The following ELF2 variants were observed in gnomAD, a reference collection of about 807,000 sequenced individuals.
The protein encoded by ELF2 is ETS-related transcription factor Elf-2.
A neutral mutation model predicts 54.8 loss-of-function variants in ELF2; 11 were observed. The ratio of observed to expected loss-of-function variants is 0.20; its 90% CI spans 0.13 to 0.33. The LOEUF is 0.33. ELF2 is among the 10% of genes least tolerant of loss of function. The pLI is 1.00. For missense variants in ELF2, 513 were observed against 703.0 expected (o/e 0.73, Z 3.06); for synonymous variants, 203 against 245.1 (o/e 0.83, Z 1.61).
intron 7 of ELF2, among the ~76,000 whole-genome samples, chr4:139,063,441 A>G (rs1728186319): frequency 6.6e-6 from 1 of 152,234 alleles, no homozygotes; most frequent in Non-Finnish European, 1.5e-5. Flanking sequence ...CCTTAAAATT[A>G]GTCAAGTATT....
intron 1 of ELF2, among the ~76,000 whole-genome samples, chr4:139,162,681 C>T (rs568555523): frequency 3.3e-5 from 5 of 152,164 alleles, no homozygotes; most frequent in Non-Finnish European, 5.9e-5. Context: ...AGGAAAAATA[C>T]TGAAACACCA....
At chr4:139,063,188 G>A (rs1728143855) in intron 7 of ELF2, among the ~76,000 whole-genome samples, 3 of 152,172 alleles carry the variant, frequency 2.0e-5, no homozygotes, top group South Asian at 4.1e-4. Flanking sequence ...AACCCAGGAA[G>A]CAGAGGTTAC....
chr4:139,145,897 T>C (rs947276505), intron 1 of ELF2, among the ~76,000 whole-genome samples: 1 of 152,074 alleles, frequency 6.6e-6, no homozygotes, highest in African/African-American at 2.4e-5. Context: ...CTCAAAATAA[T>C]AAAAGTCATA....
At position 139,154,575 on chromosome 4, in the gene ELF2, T is replaced by TA. The variant is rs529132880; in HGVS notation, c.-251-15079dup. ...TCCCAAATAAGATAGCTACAACAATTAAAAAAAAAAAAAAGCTACATACTT... is the reference window on the plus strand; with the variant it reads ...TCCCAAATAAGATAGCTACAACAATTAAAAAAAAAAAAAAAGCTACATACTT... On this transcript the variant is annotated intron_variant, in intron 1 of 9. Coordinates refer to ENST00000686138, the MANE Select transcript of ELF2 (RefSeq NM_001331036.3). 5.5e-3 allele frequency among the ~76,000 whole-genome samples: 750 copies of TA among 136,726 alleles called. 3 individuals are homozygous for TA. Among genetic ancestry groups the TA allele is most frequent in the Middle Eastern group, 0.015 (4 of 268 alleles). The allele number at this position is 136,726 out of a possible 152,430, so 89.7% of individuals were successfully genotyped here. A position where few individuals can be genotyped will look rare whatever the true frequency, so the allele number is the denominator to read the frequency against.
intron 1 of ELF2, among the ~76,000 whole-genome samples, chr4:139,146,793 T>C (rs1739263692): frequency 6.6e-6 from 1 of 152,168 alleles, no homozygotes; most frequent in African/African-American, 2.4e-5. Flanking sequence ...ATTTATTTAA[T>C]AAATGGTGCT....
In ELF2 at chr4:139,057,852, AAACAG is replaced by A. The variant is rs1269777492; in HGVS notation, c.*1126_*1130del. On this transcript the variant is annotated 3_prime_UTR_variant, in exon 10 of 10. Transcript: ENST00000686138. ...TTGTTTAAAATATCACCAGAGACCAAAACAGAAGATAAATTTCATTTCTATATTTC... is the reference window on the plus strand; with the variant it reads ...TTGTTTAAAATATCACCAGAGACCAAAAGATAAATTTCATTTCTATATTTC... 6.6e-6 allele frequency: 1 copy of A among 152,648 alleles called. No individual in the cohort carries two copies. Among genetic ancestry groups the A allele is most frequent in the Non-Finnish European group, 1.5e-5 (1 of 68,040 alleles). The allele number at this position is 152,648 out of a possible 1,614,324, so 9.5% of individuals were successfully genotyped here. A position where few individuals can be genotyped will look rare whatever the true frequency, so the allele number is the denominator to read the frequency against.
chr4:139,117,201 A>G (rs907006174), intron 4 of ELF2, among the ~76,000 whole-genome samples: 4 of 152,232 alleles, frequency 2.6e-5, no homozygotes, highest in Non-Finnish European at 5.9e-5. Context: ...ACCACTTGAC[A>G]GCCAATGTTT....
chr4:139,073,320 G>T, intron 5 of ELF2, 134 bp downstream of exon 5: 1 of 462,972 alleles, frequency 2.2e-6, no homozygotes, highest in Non-Finnish European at 3.8e-6. Context: ...TTCAATTACT[G>T]CTGTCATGTA....
intron 4 of ELF2, among the ~76,000 whole-genome samples, chr4:139,087,003 T>C (rs1453864650): frequency 1.3e-5 from 2 of 152,228 alleles, no homozygotes; most frequent in Non-Finnish European, 2.9e-5. Flanking sequence ...TAAGTCCTTC[T>C]GTCATATGTA....
In ELF2 at chr4:139,084,311, A is replaced by C; in HGVS notation, c.239-10744T>G. ...CCGTGCGACCGACACACACTCACGC[A>C]CTCGCACACACTCCGACGCCCGGAT... On this transcript the variant is annotated intron_variant, in intron 4 of 9. Transcript: ENST00000686138. The C allele has an allele frequency of 2.5e-6, 4 of 1,580,804 alleles. No homozygotes were observed. In the South Asian group the frequency reaches 4.4e-5, roughly 18 times the overall value.
chr4:139,171,060 T>C (rs763168688), intron 1 of ELF2, among the ~76,000 whole-genome samples: 1 of 152,022 alleles, frequency 6.6e-6, no homozygotes, highest in South Asian at 2.1e-4. Context: ...CAACCCAATT[T>C]TAAAAGGAGC....
At chr4:139,119,841 C>G (rs1368445946) in intron 4 of ELF2, among the ~76,000 whole-genome samples, 1 of 151,982 alleles carries the variant, frequency 6.6e-6, no homozygotes, top group Non-Finnish European at 1.5e-5. Context: ...GTGGCATGAT[C>G]TCAGCTCACT....
At chr4:139,151,035 A>AAAAAGAAAGGAAAGAAAGGGAAGAAAG (rs201472609) in intron 1 of ELF2, among the ~76,000 whole-genome samples, 2 of 42,526 alleles carry the variant, frequency 4.7e-5, no homozygotes, top group Non-Finnish European at 1.1e-4. Flanking sequence ...AAAAAAAAAA[A>AAAAAGAAAGGAAAGAAAGGGAAGAAAG]GAAAGAAAGA....
chr4:139,147,028 G>C (rs1739287429), intron 1 of ELF2, among the ~76,000 whole-genome samples: 1 of 151,984 alleles, frequency 6.6e-6, no homozygotes, highest in African/African-American at 2.4e-5. Flanking sequence ...TAAATAAATG[G>C]GACCTAATTA....
chr4:139,113,612 G>A (rs1405836555), intron 4 of ELF2, among the ~76,000 whole-genome samples: 1 of 151,990 alleles, frequency 6.6e-6, no homozygotes, highest in East Asian at 1.9e-4. Flanking sequence ...TACCTTGGGA[G>A]ACCAAGGAGG....
At chr4:139,092,965 A>ATT (rs771791854) in intron 4 of ELF2, among the ~76,000 whole-genome samples, 83 of 136,630 alleles carry the variant, frequency 6.1e-4, no homozygotes, top group African/African-American at 1.8e-3. Context: ...ATAGTAAATA[A>ATT]TTTTTTTTTT....
chr4:139,175,771 T>C (rs946387476), intron 1 of ELF2, among the ~76,000 whole-genome samples: 2 of 152,234 alleles, frequency 1.3e-5, no homozygotes, highest in African/African-American at 2.4e-5. Context: ...TAAATGTTCA[T>C]GAACACAAGA....
intron 1 of ELF2, among the ~76,000 whole-genome samples, chr4:139,152,522 G>T (rs895847446): frequency 6.6e-6 from 1 of 151,880 alleles, no homozygotes; most frequent in African/African-American, 2.4e-5. Context: ...ATAGAGATGG[G>T]GTCTCCCTAT....
intron 1 of ELF2, among the ~76,000 whole-genome samples, chr4:139,174,445 C>T (rs1443254211): frequency 6.6e-6 from 1 of 151,938 alleles, no homozygotes; most frequent in East Asian, 1.9e-4. Flanking sequence ...AAATGAAAAG[C>T]GACTGTTAAT....
Sources: gnomAD v4.1 joint callset for allele counts (sites outside exome capture counted in the v4.1 genomes callset) on GRCh38, gnomAD v4.1.1 for gene constraint, MANE v1.5 for transcripts, NCBI Gene and HGNC (gene_info 2026-07-23, HGNC 2026-07-21) for gene names.